Variants in DIPK2B observed in about 807,000 individuals in gnomAD.
DIPK2B encodes the protein divergent protein kinase domain 2B.
DIPK2B carries 15 observed loss-of-function variants against 22.2 expected under a neutral mutation model. That is an observed-to-expected ratio of 0.68 (90% CI 0.45 to 1.04). The LOEUF is 1.04. DIPK2B is among the 50% of genes least tolerant of loss of function. The pLI is 0.00. For synonymous variants in DIPK2B, 163 were observed against 153.2 expected, an observed-to-expected ratio of 1.06 and a Z score of -0.47; for missense variants, 345 against 348.3, an observed-to-expected ratio of 0.99 and a Z score of 0.08.
chrX:45,163,102 T>G (rs371833171), intron 2 of DIPK2B: 37 of 258,406 alleles, frequency 1.4e-4, no homozygotes, highest in African/African-American at 3.3e-4. Flanking sequence ...TACAATCAGT[T>G]TACTTTAAGT....
At chrX:45,162,492 C>T (rs183529848) in intron 2 of DIPK2B, 108 of 752,530 alleles carry the variant, frequency 1.4e-4, no homozygotes, top group Non-Finnish European at 1.7e-4. Context: ...CAGAGTGAGA[C>T]CTTTGTCTAC....
chrX:45,183,211 G>C (rs776492603), intron 2 of DIPK2B: 1 of 112,134 alleles, frequency 8.9e-6, no homozygotes, highest in African/African-American at 3.2e-5. Context: ...CAAAATGAAG[G>C]CCCGATTTTC....
At position 45,154,317 on chromosome X, in the gene DIPK2B, ATCTG is replaced by A. The variant is rs1196878461; in HGVS notation, c.673-123_673-120del. 4,411 of 503,562 alleles carry A rather than the reference ATCTG, an allele frequency of 8.8e-3. 39 individuals carry two copies. The highest frequency in any genetic ancestry group is 0.045 in the African/African-American group (1,381 of 30,368). 41.5% of individuals were successfully genotyped at this position (503,562 alleles called of 1,213,427 possible). The stretch of plus-strand genomic sequence containing the variant: ...TATCTATCTATCTATCTATCTATCT[ATCTG>A]TCTATCTATATCAATCATCTATATC... On this transcript the variant is annotated intron_variant, in intron 3 of 4. Coordinates refer to ENST00000398000, the MANE Select transcript of DIPK2B (RefSeq NM_176819.4).
intron 4 of DIPK2B, among the ~76,000 whole-genome samples, chrX:45,152,680 C>T (rs1245564243): frequency 8.9e-6 from 1 of 111,838 alleles, no homozygotes; most frequent in Non-Finnish European, 1.9e-5. Context: ...CCTGTAATCC[C>T]AGCCCTTTGG....
At chrX:45,152,448 T>C (rs998708733) in intron 4 of DIPK2B, among the ~76,000 whole-genome samples, 1 of 111,385 alleles carries the variant, frequency 9.0e-6, no homozygotes, top group African/African-American at 3.3e-5. Flanking sequence ...AGTGGCTCCT[T>C]TTGAGAACCA....
chrX:45,185,575 G>C (rs1233071822), intron 2 of DIPK2B, among the ~76,000 whole-genome samples: 6 of 109,776 alleles, frequency 5.5e-5, no homozygotes, highest in Non-Finnish European at 1.1e-4. Context: ...GTCTTCTCTT[G>C]CCTCCTTTTT....
chrX:45,192,201 T>C (rs1603117474), intron 1 of DIPK2B, among the ~76,000 whole-genome samples, 186 bp from the exon 2 acceptor site: 1 of 112,061 alleles, frequency 8.9e-6, no homozygotes, highest in East Asian at 2.8e-4. Context: ...ATATGTCATA[T>C]CAGAAAAGGT....
chrX:45,164,435 G>C (rs1378026953), intron 2 of DIPK2B, among the ~76,000 whole-genome samples: 1 of 111,648 alleles, frequency 9.0e-6, no homozygotes, highest in Non-Finnish European at 1.9e-5. Flanking sequence ...TAAAGATCAT[G>C]CTCCTGGCCA....
At chrX:45,175,104 C>T (rs983025018) in intron 2 of DIPK2B, among the ~76,000 whole-genome samples, 7 of 111,315 alleles carry the variant, frequency 6.3e-5, no homozygotes, top group African/African-American at 2.0e-4. Flanking sequence ...AAAATGGGAA[C>T]AAGAATATCT....
At chrX:45,167,495 C>CAAAAA (rs1156692662) in intron 2 of DIPK2B, among the ~76,000 whole-genome samples, 2 of 24,653 alleles carry the variant, frequency 8.1e-5, no homozygotes, top group African/African-American at 1.6e-4. Flanking sequence ...AAGACTGTCT[C>CAAAAA]AAAAAAAAAA....
chrX:45,184,724 C>T (rs2047172350), intron 2 of DIPK2B, among the ~76,000 whole-genome samples: 1 of 111,961 alleles, frequency 8.9e-6, no homozygotes, highest in African/African-American at 3.2e-5. Flanking sequence ...TATTTCTCCA[C>T]ATTAATGACC....
chrX:45,153,728 A>G (rs770183399), intron 4 of DIPK2B, among the ~76,000 whole-genome samples, 182 bp downstream of exon 4: 1 of 110,457 alleles, frequency 9.1e-6, no homozygotes, highest in South Asian at 3.8e-4. Context: ...TTAGAGTAGA[A>G]ATTCAAATAG....
chrX:45,171,343 AT>A (rs202005047), intron 2 of DIPK2B, among the ~76,000 whole-genome samples: 19,303 of 110,438 alleles, frequency 0.17, 1,736 homozygotes, highest in Non-Finnish European at 0.28. Flanking sequence ...GTTTAGACCC[AT>A]TTCTGAAAAG....
At chrX:45,190,020 C>A (rs1453414152) in intron 2 of DIPK2B, among the ~76,000 whole-genome samples, 1 of 111,681 alleles carries the variant, frequency 9.0e-6, no homozygotes, top group Non-Finnish European at 1.9e-5. Context: ...GCATGTAATG[C>A]AAGATGACAA....
intron 4 of DIPK2B, 98 bp from the exon 5 acceptor site, chrX:45,152,090 G>T: frequency 1.2e-6 from 1 of 823,791 alleles, no homozygotes; most frequent in Non-Finnish European, 1.7e-6. Flanking sequence ...GGGCGCGGTG[G>T]CTCATGCCTG....
Position 45,176,882 on chromosome X carries a change from C to T in DIPK2B, c.498+14869G>A, listed in dbSNP as rs746728715. Among the ~76,000 whole-genome samples, 13 of 111,704 alleles carry T rather than the reference C, an allele frequency of 1.2e-4. No individual in the cohort carries two copies. The South Asian group carries it at 5.0e-3, about 43-fold the overall frequency. On this transcript the variant is annotated intron_variant, in intron 2 of 4. Transcript: ENST00000398000. The stretch of plus-strand genomic sequence containing the variant: ...TGGAGAGATCAATCTCTGAAGAATG[C>T]TAATGGATCATTGTGCCACCAACCC...
At position 45,191,772 on chromosome X, in the gene DIPK2B, G is replaced by A. The variant is rs1329641024; in HGVS notation, c.477C>T (p.Arg159=). The change falls in exon 2 of 5, where the codon CGC becomes CGT. Residue 159 remains arginine (R), a synonymous_variant. Transcript: ENST00000398000. ...ERFQKWLQAK[R]LTPDLVQGLA... is the part of the protein sequence containing the mutation. ...TCACCTGCACCAGGTCCGGCGTGAG[G>A]CGCTTGGCCTGCAGCCATTTCTGGA... 4 of 1,211,585 alleles carry A rather than the reference G, an allele frequency of 3.3e-6. No homozygotes were observed.
chrX:45,172,516 A>T (rs1419765141), intron 2 of DIPK2B, among the ~76,000 whole-genome samples: 1 of 111,218 alleles, frequency 9.0e-6, no homozygotes, highest in East Asian at 2.8e-4. Flanking sequence ...TGGAGGTGGT[A>T]GCTAACTTTC....
intron 3 of DIPK2B, 53 bp downstream of exon 3, chrX:45,157,662 T>C: frequency 1.8e-6 from 2 of 1,114,954 alleles, no homozygotes; most frequent in South Asian, 4.1e-5. Flanking sequence ...GGGAGGCTTC[T>C]GGGAGTCCAA....
Sources: gnomAD v4.1 joint callset for allele counts (sites outside exome capture counted in the v4.1 genomes callset) on GRCh38, gnomAD v4.1.1 for gene constraint, MANE v1.5 for transcripts, NCBI Gene and HGNC (gene_info 2026-07-23, HGNC 2026-07-21) for gene names.